Variants in RPS6KC1 observed in about 807,000 individuals in gnomAD.
The protein encoded by RPS6KC1 is inactive ribosomal protein S6 kinase delta-1.
In RPS6KC1, 54 loss-of-function variants were observed where a neutral mutation model predicts 103.8. That is an observed-to-expected ratio of 0.52 (90% CI 0.42 to 0.65). The LOEUF is 0.65. RPS6KC1 is among the 30% of genes least tolerant of loss of function. The pLI is 0.00. For synonymous variants in RPS6KC1, 439 were observed against 438.7 expected (o/e 1.00, Z -0.01); for missense variants, 1,151 against 1,253.8 (o/e 0.92, Z 1.24).
At chr1:213,297,199 G>A in the RPS6KC1 span, among the ~76,000 whole-genome samples, 1 of 152,160 alleles carries the variant, frequency 6.6e-6, no homozygotes, top group Non-Finnish European at 1.5e-5. Flanking sequence ...AAGTGCCCAC[G>A]CCCTTGCAGA....
chr1:213,071,470 T>C (rs538243485), intron 2 of RPS6KC1, among the ~76,000 whole-genome samples: 1 of 152,296 alleles, frequency 6.6e-6, no homozygotes, highest in East Asian at 1.9e-4. Flanking sequence ...ATTGTCTTCA[T>C]TTCACAAAAC....
the RPS6KC1 span, among the ~76,000 whole-genome samples, chr1:213,547,077 A>G: frequency 6.6e-6 from 1 of 152,292 alleles, no homozygotes; most frequent in South Asian, 2.1e-4. Context: ...TTCCTCTATT[A>G]GAATTTTTTT....
chr1:213,318,807 C>A, the RPS6KC1 span, among the ~76,000 whole-genome samples: 1 of 152,158 alleles, frequency 6.6e-6, no homozygotes, highest in Non-Finnish European at 1.5e-5. Flanking sequence ...TTACCTCCCA[C>A]CAGGTCCCTC....
the RPS6KC1 span, among the ~76,000 whole-genome samples, chr1:213,614,619 A>C: frequency 6.6e-6 from 1 of 152,096 alleles, no homozygotes; most frequent in African/African-American, 2.4e-5. Context: ...GGCAGAAATC[A>C]CTTCTTTATT....
At chr1:213,585,918 G>C in the RPS6KC1 span, among the ~76,000 whole-genome samples, 2 of 152,170 alleles carry the variant, frequency 1.3e-5, no homozygotes, top group African/African-American at 4.8e-5. Context: ...TCAGCTTCAA[G>C]TGGAGAGGGG....
At chr1:213,358,819 T>C in the RPS6KC1 span, among the ~76,000 whole-genome samples, 1 of 152,234 alleles carries the variant, frequency 6.6e-6, no homozygotes, top group Admixed American at 6.5e-5. Flanking sequence ...ATGTACCCAG[T>C]AGTCATTCAG....
At chr1:213,686,691 T>C in the RPS6KC1 span, among the ~76,000 whole-genome samples, 1 of 152,196 alleles carries the variant, frequency 6.6e-6, no homozygotes, top group African/African-American at 2.4e-5. Context: ...ATCCAGACCC[T>C]GAGAGAGGGT....
At chr1:213,670,032 A>C in the RPS6KC1 span, among the ~76,000 whole-genome samples, 1 of 152,182 alleles carries the variant, frequency 6.6e-6, no homozygotes, top group Non-Finnish European at 1.5e-5. Flanking sequence ...CTGCAGTCCC[A>C]AATTGCTCAG....
intron 10 of RPS6KC1, among the ~76,000 whole-genome samples, chr1:213,234,411 T>G (rs2094177962): frequency 6.6e-6 from 1 of 152,058 alleles, no homozygotes; most frequent in Non-Finnish European, 1.5e-5. Context: ...CAAAGGGAGA[T>G]CTAATAGATA....
the RPS6KC1 span, among the ~76,000 whole-genome samples, chr1:213,858,858 G>C: frequency 6.6e-6 from 1 of 152,284 alleles, no homozygotes; most frequent in Non-Finnish European, 1.5e-5. Context: ...AATCCCAAGG[G>C]CAAAGTGGCT....
the RPS6KC1 span, among the ~76,000 whole-genome samples, chr1:213,808,636 C>T: frequency 9.2e-5 from 14 of 152,340 alleles, no homozygotes; most frequent in South Asian, 1.0e-3. Flanking sequence ...ATTGGAAAAG[C>T]GCAGTATTTG....
chr1:213,196,756 T>C (rs1302105162), intron 8 of RPS6KC1, among the ~76,000 whole-genome samples: 1 of 152,226 alleles, frequency 6.6e-6, no homozygotes, highest in African/African-American at 2.4e-5. Flanking sequence ...ACCCACTTCA[T>C]GTTTTTGTTT....
At chr1:213,408,655 A>G in the RPS6KC1 span, among the ~76,000 whole-genome samples, 65 of 152,334 alleles carry the variant, frequency 4.3e-4, no homozygotes, top group South Asian at 5.6e-3. Flanking sequence ...TACCTGCCCT[A>G]TGGATTTTGA....
At chr1:213,427,556 A>AT in the RPS6KC1 span, among the ~76,000 whole-genome samples, 24 of 152,190 alleles carry the variant, frequency 1.6e-4, 1 homozygote, top group South Asian at 2.9e-3. Flanking sequence ...TATAAATCAT[A>AT]TTTTTTTGCT....
chr1:213,683,826 CA>C, the RPS6KC1 span, among the ~76,000 whole-genome samples: 1 of 152,022 alleles, frequency 6.6e-6, no homozygotes. Context: ...AAATATTGGC[CA>C]GGGGCAGAGC....
chr1:213,201,292 T>TA (rs1468747592), intron 8 of RPS6KC1, among the ~76,000 whole-genome samples: 1 of 152,204 alleles, frequency 6.6e-6, no homozygotes, highest in Non-Finnish European at 1.5e-5. Flanking sequence ...AAGAAATACC[T>TA]ATCAAGCCTT....
intron 2 of RPS6KC1, among the ~76,000 whole-genome samples, chr1:213,076,372 G>C (rs2079336194): frequency 6.6e-6 from 1 of 152,116 alleles, no homozygotes; most frequent in African/African-American, 2.4e-5. Context: ...TTTTTTGGCA[G>C]GAATCTCTTA....
chr1:213,517,596 G>A, the RPS6KC1 span, among the ~76,000 whole-genome samples: 1 of 152,184 alleles, frequency 6.6e-6, no homozygotes, highest in African/African-American at 2.4e-5. Context: ...CTGAGAGACA[G>A]TTTGTTATAA....
At chr1:213,582,473 G>A in the RPS6KC1 span, among the ~76,000 whole-genome samples, 5 of 152,108 alleles carry the variant, frequency 3.3e-5, no homozygotes, top group African/African-American at 9.7e-5. Context: ...TCTGTCACCA[G>A]GATCACATTA....
Sources: allele counts gnomAD v4.1 joint callset (sites outside exome capture counted in the v4.1 genomes callset), GRCh38; gene constraint gnomAD v4.1.1; transcripts MANE v1.5; gene names NCBI Gene and HGNC (gene_info 2026-07-23, HGNC 2026-07-21).